The following CAMTA1 variants were observed in gnomAD, a reference collection of about 807,000 sequenced individuals.
The protein encoded by CAMTA1 is calmodulin binding transcription activator 1.
CAMTA1 carries 27 observed loss-of-function variants against 170.9 expected under a neutral mutation model. The observed-to-expected ratio is 0.16, with a 90% confidence interval of 0.12 to 0.22. CAMTA1 has a LOEUF of 0.22. Among genes scored for constraint, CAMTA1 ranks in the 10% least tolerant of loss-of-function variants. CAMTA1 has a pLI of 1.00. For missense variants in CAMTA1, 1,619 were observed against 2,217.2 expected, an observed-to-expected ratio of 0.73 and a Z score of 5.42; for synonymous variants, 833 against 891.5, an observed-to-expected ratio of 0.93 and a Z score of 1.17.
intron 4 of CAMTA1, among the ~76,000 whole-genome samples, chr1:7,119,590 T>G (rs1644527131): frequency 6.6e-6 from 1 of 152,178 alleles, no homozygotes; most frequent in Non-Finnish European, 1.5e-5. Flanking sequence ...ATTAAGTTAC[T>G]CTGCGATCTC....
intron 4 of CAMTA1, among the ~76,000 whole-genome samples, chr1:7,145,870 G>T (rs76619529): frequency 0.013 from 1,941 of 152,270 alleles, 21 homozygotes; most frequent in Middle Eastern, 0.051. Context: ...TCTTGGGTAC[G>T]GGGTTTTAAA....
intron 4 of CAMTA1, among the ~76,000 whole-genome samples, chr1:7,135,073 A>G (rs923960197): frequency 1.3e-5 from 2 of 152,172 alleles, no homozygotes; most frequent in Admixed American, 6.6e-5. Context: ...CCTCACACCA[A>G]TCAGAAGGGT....
chr1:6,893,735 C>A (rs1382408807), intron 3 of CAMTA1, among the ~76,000 whole-genome samples: 2 of 152,138 alleles, frequency 1.3e-5, no homozygotes, highest in East Asian at 3.8e-4. Flanking sequence ...GACCCATAAT[C>A]CTTGCTTTTG....
intron 5 of CAMTA1, among the ~76,000 whole-genome samples, chr1:7,457,666 A>G (rs1316421957): frequency 6.6e-6 from 1 of 152,166 alleles, no homozygotes; most frequent in East Asian, 1.9e-4. Context: ...AATCTAGAAC[A>G]TTCCTCAGAG....
chr1:7,217,980 T>C (rs1309431416), intron 4 of CAMTA1, among the ~76,000 whole-genome samples: 2 of 152,184 alleles, frequency 1.3e-5, no homozygotes, highest in Non-Finnish European at 2.9e-5. Context: ...TGAAGTTAAT[T>C]TTCTAGAAGA....
intron 5 of CAMTA1, among the ~76,000 whole-genome samples, chr1:7,267,314 A>G (rs1307593329): frequency 1.3e-5 from 2 of 152,182 alleles, no homozygotes; most frequent in Non-Finnish European, 2.9e-5. Context: ...CTTTGGCTTC[A>G]TAAGATAAAA....
intron 3 of CAMTA1, among the ~76,000 whole-genome samples, chr1:6,893,918 C>T (rs1396451106): frequency 6.6e-6 from 1 of 152,218 alleles, no homozygotes; most frequent in East Asian, 1.9e-4. Flanking sequence ...CAAATATTTA[C>T]TCCAATGATT....
chr1:7,027,949 G>A (rs561856946), intron 3 of CAMTA1, among the ~76,000 whole-genome samples: 17 of 150,588 alleles, frequency 1.1e-4, no homozygotes, highest in Non-Finnish European at 5.9e-5. Flanking sequence ...CTGTTGCCCA[G>A]GCTGGAGTGC....
At chr1:7,182,448 C>T (rs528047013) in intron 4 of CAMTA1, among the ~76,000 whole-genome samples, 38 of 150,138 alleles carry the variant, frequency 2.5e-4, no homozygotes, top group African/African-American at 8.6e-4. Flanking sequence ...GAACCGTGAT[C>T]GTGCCACTGT....
intron 6 of CAMTA1, among the ~76,000 whole-genome samples, chr1:7,551,824 T>C (rs886491828): frequency 7.9e-5 from 12 of 152,012 alleles, no homozygotes; most frequent in Non-Finnish European, 1.8e-4. Flanking sequence ...TTCCCAGGGG[T>C]AGAAGGACAC....
chr1:6,817,634 A>G (rs1024160353), intron 1 of CAMTA1, among the ~76,000 whole-genome samples: 1 of 152,154 alleles, frequency 6.6e-6, no homozygotes, highest in Admixed American at 6.5e-5. Context: ...ATCATAGTTA[A>G]CTACTTTTTT....
At chr1:7,542,250 T>C (rs1210204136) in intron 6 of CAMTA1, among the ~76,000 whole-genome samples, 5 of 151,070 alleles carry the variant, frequency 3.3e-5, no homozygotes, top group Non-Finnish European at 4.4e-5. Context: ...TTGTTATATT[T>C]CCTGCCAGTT....
chr1:7,521,837 G>A (rs2094369681), intron 6 of CAMTA1, among the ~76,000 whole-genome samples: 1 of 152,188 alleles, frequency 6.6e-6, no homozygotes, highest in South Asian at 2.1e-4. Flanking sequence ...GTGAGCCACT[G>A]CGCTCACTCC....
intron 11 of CAMTA1, among the ~76,000 whole-genome samples, chr1:7,679,586 C>CCCA (rs1243344363): frequency 6.6e-6 from 1 of 151,710 alleles, no homozygotes; most frequent in Non-Finnish European, 1.5e-5. Flanking sequence ...CCCCCCCCCC[C>CCCA]AGAACTTTGA....
At chr1:7,502,034 C>T (rs1005626892) in intron 6 of CAMTA1, among the ~76,000 whole-genome samples, 2 of 152,218 alleles carry the variant, frequency 1.3e-5, no homozygotes. Context: ...AATCTCAAGC[C>T]CCCCGGAGGA....
chr1:7,741,737 A>C (rs1468651171), intron 16 of CAMTA1, among the ~76,000 whole-genome samples: 1 of 151,962 alleles, frequency 6.6e-6, no homozygotes, highest in African/African-American at 2.4e-5. Flanking sequence ...TCTACTAAAA[A>C]TACAAAAATT....
Position 7,137,006 on chromosome 1 carries a change from C to T in CAMTA1, c.302+45635C>T, listed in dbSNP as rs189218925. 1.5e-3 allele frequency among the ~76,000 whole-genome samples: 232 copies of T among 152,332 alleles called. 1 individual carries two copies. Among genetic ancestry groups the T allele is most frequent in the African/African-American group, 5.2e-3 (216 of 41,586 alleles). ...CCTGGCCTTCAGATGCATCTATCCA[C>T]CTGAGTGTCAGATATCTCGGACTTA... On this transcript the variant is annotated intron_variant, in intron 4 of 22. Coordinates refer to ENST00000303635, the MANE Select transcript of CAMTA1 (RefSeq NM_015215.4).
intron 4 of CAMTA1, among the ~76,000 whole-genome samples, chr1:7,098,711 C>T (rs1001920495): frequency 6.6e-6 from 1 of 152,232 alleles, no homozygotes; most frequent in African/African-American, 2.4e-5. Flanking sequence ...CTCCTCACAT[C>T]CCCTCCGTGT....
chr1:7,582,061 C>T (rs1368386040), intron 6 of CAMTA1, among the ~76,000 whole-genome samples: 2 of 152,198 alleles, frequency 1.3e-5, no homozygotes, highest in African/African-American at 4.8e-5. Flanking sequence ...CAGAAGGCAG[C>T]ATTTGTTGCT....
Sources: allele counts gnomAD v4.1 joint callset (sites outside exome capture counted in the v4.1 genomes callset), GRCh38; gene constraint gnomAD v4.1.1; transcripts MANE v1.5; gene names NCBI Gene and HGNC (gene_info 2026-07-23, HGNC 2026-07-21).